Variants in NEBL observed in about 807,000 individuals in gnomAD.
The protein encoded by NEBL is nebulette, also known as LIM and SH3 protein 2.
Under a neutral mutation model 140.2 loss-of-function variants are expected in NEBL, and 122 were observed. The ratio of observed to expected loss-of-function variants is 0.87; its 90% CI spans 0.75 to 1.01. The LOEUF is 1.01. NEBL is among the 50% of genes least tolerant of loss of function. NEBL has a pLI of 0.00. For synonymous variants in NEBL, 436 were observed against 398.9 expected, an observed-to-expected ratio of 1.09 and a Z score of -1.11; for missense variants, 1,365 against 1,231.3, an observed-to-expected ratio of 1.11 and a Z score of -1.62.
At chr10:21,160,068 C>G (rs190384404) in intron 2 of NEBL, among the ~76,000 whole-genome samples, 17 of 152,276 alleles carry the variant, frequency 1.1e-4, no homozygotes, top group Admixed American at 7.2e-4. Context: ...AGAAAGAAGC[C>G]AGACTTGGGA....
chr10:20,805,933 C>T (rs561499896), intron 26 of NEBL, among the ~76,000 whole-genome samples: 1 of 152,126 alleles, frequency 6.6e-6, no homozygotes, highest in Non-Finnish European at 1.5e-5. Context: ...AATCTCCCTC[C>T]ATCTTTGAAG....
chr10:21,260,136 C>G (rs935461550), intron 1 of NEBL, among the ~76,000 whole-genome samples: 1 of 152,236 alleles, frequency 6.6e-6, no homozygotes, highest in African/African-American at 2.4e-5. Context: ...TTGGGTTATG[C>G]TGAAACTGAA....
chr10:20,949,133 T>G (rs1835320306), intron 4 of NEBL, among the ~76,000 whole-genome samples: 1 of 152,202 alleles, frequency 6.6e-6, no homozygotes, highest in Non-Finnish European at 1.5e-5. Flanking sequence ...GAATACCCTT[T>G]ATTTCTTTGT....
intron 4 of NEBL, among the ~76,000 whole-genome samples, chr10:20,934,062 C>T (rs982294416): frequency 6.6e-6 from 1 of 152,094 alleles, no homozygotes; most frequent in Non-Finnish European, 1.5e-5. Context: ...CCCCATTTTA[C>T]ACTTCAACTT....
chr10:21,158,333 T>C (rs1351571068), intron 2 of NEBL, among the ~76,000 whole-genome samples: 1 of 152,218 alleles, frequency 6.6e-6, no homozygotes, highest in East Asian at 1.9e-4. Flanking sequence ...TAGGCAATAG[T>C]AATAATAGCC....
intron 3 of NEBL, among the ~76,000 whole-genome samples, chr10:21,184,552 A>C (rs1841434999): frequency 6.6e-6 from 1 of 152,184 alleles, no homozygotes; most frequent in Admixed American, 6.5e-5. Context: ...CTTCATGGCG[A>C]TGGATGGAGA....
chr10:20,889,283 TCAGA>T (rs1324225667), intron 3 of NEBL, among the ~76,000 whole-genome samples: 8 of 152,318 alleles, frequency 5.3e-5, no homozygotes, highest in Admixed American at 4.6e-4. Context: ...CTAAATGCTC[TCAGA>T]AAGAAACTAC....
exon 4 of NEBL, chr10:20,961,744 C>T (rs1836059181): frequency 1.2e-6 from 2 of 1,613,760 alleles, no homozygotes; most frequent in African/African-American, 1.3e-5. Context: ...TGAAGCCCCT[C>T]CCTTTGCTTT....
chr10:20,873,017 T>C (rs566001373), intron 5 of NEBL, among the ~76,000 whole-genome samples: 3 of 152,312 alleles, frequency 2.0e-5, no homozygotes, highest in Middle Eastern at 3.4e-3. Context: ...CCCTGAATTC[T>C]TTCTTGTGTG....
intron 2 of NEBL, among the ~76,000 whole-genome samples, chr10:21,048,986 G>A (rs1408164891): frequency 6.6e-6 from 1 of 152,086 alleles, no homozygotes; most frequent in Admixed American, 6.6e-5. Context: ...CTCCAGCCTG[G>A]ATGACAGAGA....
intron 4 of NEBL, among the ~76,000 whole-genome samples, chr10:20,926,404 G>T (rs980634609): frequency 1.2e-5 from 1 of 83,184 alleles, no homozygotes; most frequent in Non-Finnish European, 2.7e-5. Context: ...GTGAAATTTT[G>T]CTTCTTTTAT....
In NEBL at chr10:20,926,461, A is replaced by T. The variant is rs544273737; in HGVS notation, c.357+35211T>A. 3.9e-5 allele frequency among the ~76,000 whole-genome samples: 6 copies of T among 152,346 alleles called. No homozygotes were observed. The South Asian group carries it at 1.2e-3, about 32-fold the overall frequency. The stretch of plus-strand genomic sequence containing the variant: ...AGTTTCCTATCAAACATTTTGGCTT[A>T]TAAACCATGTGCCTGATGCTCTGCC... On this transcript the variant is annotated intron_variant, in intron 4 of 6. Coordinates refer to the NEBL transcript ENST00000417816.
intron 4 of NEBL, among the ~76,000 whole-genome samples, chr10:20,883,243 T>C (rs1248336243): frequency 6.6e-6 from 1 of 152,220 alleles, no homozygotes; most frequent in East Asian, 1.9e-4. Context: ...TTCTGTCAAC[T>C]GATACCTTTA....
chr10:21,207,659 G>T (rs909288530), intron 3 of NEBL, among the ~76,000 whole-genome samples: 4 of 152,066 alleles, frequency 2.6e-5, no homozygotes, highest in African/African-American at 9.7e-5. Flanking sequence ...AGATCATGGA[G>T]CAGGGGAAGG....
chr10:20,795,535 T>C (rs540879743), intron 26 of NEBL, among the ~76,000 whole-genome samples: 7 of 150,192 alleles, frequency 4.7e-5, no homozygotes, highest in Non-Finnish European at 1.0e-4. Flanking sequence ...GACAAGTCTC[T>C]GGGGAGAGAG....
chr10:20,954,965 C>A (rs752550720), intron 4 of NEBL, among the ~76,000 whole-genome samples: 2 of 152,182 alleles, frequency 1.3e-5, no homozygotes, highest in Non-Finnish European at 2.9e-5. Flanking sequence ...GCCTCACATT[C>A]CAGGCAAAAG....
At chr10:21,185,416 T>C (rs1032608765) in intron 3 of NEBL, among the ~76,000 whole-genome samples, 2 of 151,558 alleles carry the variant, frequency 1.3e-5, no homozygotes, top group African/African-American at 4.9e-5. Context: ...AACTCACCTC[T>C]GTATGGAGAG....
intron 2 of NEBL, among the ~76,000 whole-genome samples, chr10:21,064,094 G>C (rs1162010322): frequency 7.9e-5 from 12 of 151,954 alleles, no homozygotes; most frequent in Admixed American, 2.0e-4. Flanking sequence ...TGGAGTTAAG[G>C]CTTCTTTTTA....
intron 4 of NEBL, among the ~76,000 whole-genome samples, chr10:20,956,336 T>C (rs1443293523): frequency 6.6e-6 from 1 of 152,196 alleles, no homozygotes; most frequent in African/African-American, 2.4e-5. Flanking sequence ...CTGTTAGGTA[T>C]TATGAGAAAA....
Sources: allele counts gnomAD v4.1 joint callset (sites outside exome capture counted in the v4.1 genomes callset), GRCh38; gene constraint gnomAD v4.1.1; transcripts MANE v1.5; gene names NCBI Gene and HGNC (gene_info 2026-07-23, HGNC 2026-07-21).